The following DLG2 variants were observed in gnomAD, a reference collection of about 807,000 sequenced individuals.
DLG2 encodes discs large MAGUK scaffold protein 2.
A neutral mutation model predicts 132.5 loss-of-function variants in DLG2; 45 were observed. The ratio of observed to expected loss-of-function variants is 0.34; its 90% confidence interval spans 0.27 to 0.44. DLG2 has a LOEUF of 0.44. DLG2 is among the 20% of genes least tolerant of loss of function. The pLI, the probability that DLG2 is intolerant of heterozygous loss-of-function variation, is 1.00. For missense variants in DLG2, 1,045 were observed against 1,196.9 expected, an observed-to-expected ratio of 0.87 and a Z score of 1.87; for synonymous variants, 424 against 419.6, an observed-to-expected ratio of 1.01 and a Z score of -0.13.
At chr11:84,597,920 G>A (rs1212254028) in intron 6 of DLG2, among the ~76,000 whole-genome samples, 2 of 152,162 alleles carry the variant, frequency 1.3e-5, no homozygotes, top group Admixed American at 1.3e-4. Flanking sequence ...ACAAGGACAG[G>A]TGAAAAGAGA....
intron 18 of DLG2, among the ~76,000 whole-genome samples, chr11:83,769,671 C>G (rs1693799747): frequency 1.3e-5 from 2 of 149,564 alleles, no homozygotes; most frequent in Admixed American, 1.4e-4. Flanking sequence ...TCAAACTATT[C>G]TCCTGCCTTA....
intron 6 of DLG2, among the ~76,000 whole-genome samples, chr11:84,638,869 G>T (rs2099645767): frequency 6.6e-6 from 1 of 152,144 alleles, no homozygotes; most frequent in African/African-American, 2.4e-5. Context: ...GAATTCCAGT[G>T]TAACAATTCA....
At position 84,526,980 on chromosome 11, in the gene DLG2, G is replaced by A. The variant is rs539434827; in HGVS notation, c.519+7590C>T. On this transcript the variant is annotated intron_variant, in intron 7 of 27. Transcript: ENST00000376104. ...TTTTTAGTAGAGACGGGGTTTCACC[G>A]TTTTAGCCGGGATGATCTCGATCTC... 8.6e-5 allele frequency among the ~76,000 whole-genome samples: 13 copies of A among 152,024 alleles called. No individual in the cohort carries two copies. In the East Asian group the frequency reaches 1.8e-3, roughly 20 times the overall value.
intron 15 of DLG2, 72 bp downstream of exon 15, chr11:83,930,256 G>T: frequency 6.5e-7 from 1 of 1,543,414 alleles, no homozygotes; most frequent in Non-Finnish European, 8.9e-7. Context: ...GAGCAGAGGC[G>T]GATTCTACCC....
chr11:85,538,309 G>A (rs1453224399), intron 3 of DLG2, among the ~76,000 whole-genome samples: 1 of 151,634 alleles, frequency 6.6e-6, no homozygotes, highest in Non-Finnish European at 1.5e-5. Context: ...GACATTCTCT[G>A]ATCTGGCAAT....
chr11:85,251,600 A>G (rs1300044730), intron 4 of DLG2, among the ~76,000 whole-genome samples: 1 of 152,148 alleles, frequency 6.6e-6, no homozygotes, highest in East Asian at 1.9e-4. Context: ...GAAGCTTTTT[A>G]AAACTATGAA....
chr11:84,137,399 G>A (rs2094643131), intron 9 of DLG2, among the ~76,000 whole-genome samples: 1 of 152,002 alleles, frequency 6.6e-6, no homozygotes, highest in African/African-American at 2.4e-5. Context: ...TTTCGGCAAT[G>A]CTGGAGGGCA....
rs146965472 is a variant in DLG2, at chr11:83,465,427, G to A, written c.2729+1281C>T. On this transcript the variant is annotated intron_variant, in intron 26 of 27. Transcript: ENST00000376104. ...GGGATTAAATAATTTCTGTTTCTTC[G>A]GTCCTTCCATAAACATTATTTTCCA... is the stretch of plus-strand genomic sequence containing the variant. Among the ~76,000 whole-genome samples the A allele has an allele frequency of 4.2e-3, 638 of 152,028 alleles. 3 individuals carry two copies. The highest frequency in any genetic ancestry group is 7.5e-3 in the Non-Finnish European group (510 of 67,996).
chr11:83,908,303 CCTT>C (rs2154107950), intron 15 of DLG2, among the ~76,000 whole-genome samples: 1 of 152,118 alleles, frequency 6.6e-6, no homozygotes, highest in African/African-American at 2.4e-5. Flanking sequence ...AGTTATTTCA[CCTT>C]CTTTTTTTTT....
intron 6 of DLG2, among the ~76,000 whole-genome samples, chr11:84,645,867 T>C (rs1040605306): frequency 6.6e-6 from 1 of 152,216 alleles, no homozygotes; most frequent in Non-Finnish European, 1.5e-5. Flanking sequence ...CAGTAGAACA[T>C]ATTTCCAGTG....
intron 3 of DLG2, among the ~76,000 whole-genome samples, chr11:85,375,213 A>G (rs2085311432): frequency 1.3e-5 from 2 of 152,224 alleles, no homozygotes; most frequent in Non-Finnish European, 2.9e-5. Context: ...AATATCACAG[A>G]AGAATAATTG....
At chr11:84,615,981 A>G (rs1239028522) in intron 6 of DLG2, among the ~76,000 whole-genome samples, 1 of 151,998 alleles carries the variant, frequency 6.6e-6, no homozygotes, top group Non-Finnish European at 1.5e-5. Flanking sequence ...GTTCTTATGG[A>G]ATTTACCATT....
chr11:85,383,125 T>C (rs1440948957), intron 3 of DLG2, among the ~76,000 whole-genome samples: 1 of 152,122 alleles, frequency 6.6e-6, no homozygotes, highest in Non-Finnish European at 1.5e-5. Flanking sequence ...AGTCTATCCA[T>C]ACAACAGAAT....
chr11:84,344,897 A>C (rs1178870227), intron 7 of DLG2, among the ~76,000 whole-genome samples: 1 of 152,134 alleles, frequency 6.6e-6, no homozygotes, highest in Non-Finnish European at 1.5e-5. Context: ...GTTGGGGACA[A>C]TTTGGATTAT....
chr11:85,589,374 G>A (rs2079169104), intron 3 of DLG2, among the ~76,000 whole-genome samples: 1 of 152,186 alleles, frequency 6.6e-6, no homozygotes, highest in Admixed American at 6.5e-5. Context: ...CTTGCCCTAA[G>A]TTGACCAAGA....
chr11:84,072,525 A>T (rs1190820569), intron 10 of DLG2, among the ~76,000 whole-genome samples: 1 of 152,202 alleles, frequency 6.6e-6, no homozygotes, highest in Non-Finnish European at 1.5e-5. Flanking sequence ...GCCAAGGAAA[A>T]CTTGGAGCAA....
At chr11:84,404,255 C>CT (rs2098840795) in intron 7 of DLG2, among the ~76,000 whole-genome samples, 1 of 152,034 alleles carries the variant, frequency 6.6e-6, no homozygotes, top group Non-Finnish European at 1.5e-5. Flanking sequence ...AAGACATGTC[C>CT]TTTTTTGTCT....
chr11:84,744,185 A>G (rs1264329199), intron 6 of DLG2, among the ~76,000 whole-genome samples: 4 of 152,218 alleles, frequency 2.6e-5, no homozygotes, highest in Non-Finnish European at 4.4e-5. Flanking sequence ...AACAACAAGG[A>G]CATAGCCCAG....
At chr11:84,159,211 CT>C (rs563366286) in intron 9 of DLG2, among the ~76,000 whole-genome samples, 34 of 152,056 alleles carry the variant, frequency 2.2e-4, no homozygotes, top group Non-Finnish European at 4.3e-4. Flanking sequence ...ATATAAATCA[CT>C]TTATATTTAT....
Sources: gnomAD v4.1 joint callset for allele counts (sites outside exome capture counted in the v4.1 genomes callset) on GRCh38, gnomAD v4.1.1 for gene constraint, MANE v1.5 for transcripts, NCBI Gene and HGNC (gene_info 2026-07-23, HGNC 2026-07-21) for gene names.